Variants in MYC observed in about 807,000 individuals in gnomAD.
MYC encodes the protein MYC proto-oncogene, bHLH transcription factor.
In MYC, 1 loss-of-function variant was observed where a neutral mutation model predicts 30.5. The observed-to-expected ratio is 0.03, with a 90% CI of 0.01 to 0.16. The LOEUF (loss-of-function observed/expected upper bound fraction) is 0.16, where lower values mean the gene tolerates loss of function less well. Ranked by LOEUF, MYC falls within the 10% of genes least tolerant of loss-of-function variation. MYC has a pLI of 1.00. For missense variants in MYC, 508 were observed against 589.0 expected (o/e 0.86, Z 1.42); for synonymous variants, 267 against 250.7 (o/e 1.07, Z -0.62).
At position 127,740,921 on chromosome 8, in the gene MYC, A is replaced by G; in HGVS notation, c.1328A>G (p.Lys443Arg). 6.3e-7 allele frequency: 1 copy of G among 1,592,576 alleles called. No homozygotes were observed. The highest frequency in any genetic ancestry group is 8.5e-7 in the Non-Finnish European group (1 of 1,172,382). Residue 443 changes from lysine to arginine, a missense_variant, in exon 3 of 3, where the codon AAA becomes AGA. By Grantham distance (26) the Lys-to-Arg change is conservative. Coordinates refer to ENST00000621592, the MANE Select transcript of MYC (RefSeq NM_002467.6). Reference sequence around the variant, plus strand: ...TTGCGGAAACGACGAGAACAGTTGAAACACAAACTTGAACAGCTACGGAAC... The same window carrying G: ...TTGCGGAAACGACGAGAACAGTTGAGACACAAACTTGAACAGCTACGGAAC...
intron 1 of MYC, among the ~76,000 whole-genome samples, chr8:127,737,896 C>A (rs1813626900): frequency 6.6e-6 from 1 of 152,160 alleles, no homozygotes; most frequent in Non-Finnish European, 1.5e-5. Flanking sequence ...AAATTGTTTT[C>A]CTCACCGCCA....
At chr8:127,737,991 C>A (rs976571617) in intron 1 of MYC, among the ~76,000 whole-genome samples, 1 of 152,198 alleles carries the variant, frequency 6.6e-6, no homozygotes, top group South Asian at 2.1e-4. Context: ...GCGCTCCGGG[C>A]TCCCGGGGGA....
intron 1 of MYC, among the ~76,000 whole-genome samples, chr8:127,737,723 G>A (rs866944113): frequency 1.3e-5 from 2 of 152,142 alleles, no homozygotes; most frequent in Non-Finnish European, 2.9e-5. Flanking sequence ...AGGTTGGGAG[G>A]GGCTGCGGTG....
In MYC at chr8:127,736,608, G is replaced by C. The variant is rs771557035; in HGVS notation, c.15G>C (p.Arg5=). The C allele has an allele frequency of 3.2e-5, 52 of 1,614,036 alleles. No individual in the cohort carries two copies. Among genetic ancestry groups the C allele is most frequent in the Admixed American group, 8.3e-5 (5 of 60,006 alleles). The change falls in exon 1 of 3, where the codon CGG becomes CGC. Residue 5 remains arginine (R), a synonymous_variant. Transcript: ENST00000621592. ...CTGCTTAGACGCTGGATTTTTTTCGGGTAGTGGAAAACCAGGTAAGCACCG... is the reference window on the plus strand; with the variant it reads ...CTGCTTAGACGCTGGATTTTTTTCGCGTAGTGGAAAACCAGGTAAGCACCG...
In MYC at chr8:127,741,126, G is replaced by C. The variant is rs961317581; in HGVS notation, c.*168G>C. On this transcript the variant is annotated 3_prime_UTR_variant, in exon 3 of 3. Coordinates refer to ENST00000621592, the MANE Select transcript of MYC (RefSeq NM_002467.6). ...CTCAAATTGGACTTTGGGCATAAAA[G>C]AACTTTTTTATGCTTACCATCTTTT... 5 of 495,400 alleles carry C rather than the reference G, an allele frequency of 1.0e-5. No individual in the cohort carries two copies. The highest frequency in any genetic ancestry group is 1.6e-5 in the Non-Finnish European group (5 of 307,406). 30.7% of individuals were successfully genotyped at this position (495,400 alleles called of 1,614,324 possible). A position where few individuals can be genotyped will look rare whatever the true frequency, so the allele number is the denominator to read the frequency against.
intron 2 of MYC, among the ~76,000 whole-genome samples, chr8:127,739,280 G>T (rs1422037421): frequency 1.3e-5 from 2 of 152,134 alleles, no homozygotes; most frequent in Admixed American, 6.5e-5. Context: ...AAACCTTCTG[G>T]CTTATCTTAC....
chr8:127,736,766 T>A, intron 1 of MYC, 143 bp downstream of exon 1: 1 of 912,242 alleles, frequency 1.1e-6, no homozygotes, highest in Non-Finnish European at 1.7e-6. Context: ...TAACTGGGGC[T>A]GGGGTGGGGG....
At position 127,738,283 on chromosome 8, in the gene MYC, C is replaced by T. The variant is rs2130092237; in HGVS notation, c.66C>T (p.Phe22=). 6.2e-7 allele frequency: 1 copy of T among 1,605,186 alleles called. No individual in the cohort carries two copies. The highest frequency in any genetic ancestry group is 8.5e-7 in the Non-Finnish European group (1 of 1,173,582). ...CGACGATGCCCCTCAACGTTAGCTT[C>T]ACCAACAGGAACTATGACCTCGACT... The change falls in exon 2 of 3, where the codon TTC becomes TTT. Residue 22 remains phenylalanine (F), a synonymous_variant. Transcript: ENST00000621592. The surrounding 1 kb of genome is among the most constrained non-coding windows in gnomAD (Gnocchi z 7.6).
At chr8:127,737,125 G>A (rs1488888320) in intron 1 of MYC, among the ~76,000 whole-genome samples, 1 of 152,284 alleles carries the variant, frequency 6.6e-6, no homozygotes, top group Admixed American at 6.5e-5. Context: ...TCTGACAGCC[G>A]GAGACGGACA....
chr8:127,736,311 C>T lies in MYC; in HGVS notation c.-283C>T. On this transcript the variant is annotated 5_prime_UTR_variant, in exon 1 of 3. Transcript: ENST00000621592. ...GGGTGGAAGAGCCGGGCGAGCAGAGCTGCGCTGCGGGCGTCCTGGGAAGGG... is the reference window on the plus strand; with the variant it reads ...GGGTGGAAGAGCCGGGCGAGCAGAGTTGCGCTGCGGGCGTCCTGGGAAGGG... The T allele has an allele frequency of 1.7e-6, 1 of 583,998 alleles. No homozygotes were observed. Among genetic ancestry groups the T allele is most frequent in the South Asian group, 2.1e-5 (1 of 46,736 alleles). 36.2% of individuals were successfully genotyped at this position (583,998 alleles called of 1,614,324 possible).
rs1304229160 is a variant in MYC, at chr8:127,738,068, C to T, written c.31-180C>T. Among the ~76,000 whole-genome samples the T allele has an allele frequency of 1.3e-5, 2 of 152,146 alleles. No individual in the cohort carries two copies. Among genetic ancestry groups the T allele is most frequent in the African/African-American group, 4.8e-5 (2 of 41,440 alleles). Reference sequence around the variant, plus strand: ...CGTCTCCGAGATAGCAGGGGACTGTCCAAAGGGGGTGAAAGGGTGCTCCCT... The same window carrying T: ...CGTCTCCGAGATAGCAGGGGACTGTTCAAAGGGGGTGAAAGGGTGCTCCCT... On this transcript the variant is annotated intron_variant, in intron 1 of 2. Transcript: ENST00000621592. The surrounding 1 kb of genome is among the most constrained non-coding windows in gnomAD (Gnocchi z 7.6).
rs139697494 is a variant in MYC, at chr8:127,740,499, C to A, written c.906C>A (p.His302Gln). The A allele has an allele frequency of 2.7e-4, 441 of 1,614,016 alleles. 1 individual carries two copies. The highest frequency in any genetic ancestry group is 3.3e-4 in the Middle Eastern group (2 of 6,084). Residue 302 changes from histidine (H) to glutamine (Q), a missense_variant, in exon 3 of 3, where the codon CAC becomes CAA. Around this residue, in one of 5 missense-constraint regions of MYC, gnomAD observed 364 missense variants for 381.1 expected, o/e 0.96. Transcript: ENST00000621592. ...CTGGATCACCTTCTGCTGGAGGCCA[C>A]AGCAAACCTCCTCACAGCCCACTGG...
upstream of MYC, chr8:127,735,886 T>C (rs1813575077): frequency 7.5e-6 from 3 of 399,066 alleles, no homozygotes; most frequent in East Asian, 7.1e-5. Flanking sequence ...GTTTACATCC[T>C]AGAGCTAGAG....
chr8:127,739,965 T>C (rs1366126057), intron 2 of MYC, among the ~76,000 whole-genome samples: 1 of 148,356 alleles, frequency 6.7e-6, no homozygotes, highest in Non-Finnish European at 1.5e-5. Flanking sequence ...CTAGATTGGT[T>C]CTTTTTTTTT....
In MYC at chr8:127,742,150, T is replaced by C. The variant is rs116768771; in HGVS notation, c.*1192T>C. Among the ~76,000 whole-genome samples, 466 of 152,344 alleles carry C rather than the reference T, an allele frequency of 3.1e-3. 2 individuals carry two copies. Among genetic ancestry groups the C allele is most frequent in the African/African-American group, 0.011 (450 of 41,580 alleles). On this transcript the variant is annotated 3_prime_UTR_variant, in exon 3 of 3. Coordinates refer to ENST00000621592, the MANE Select transcript of MYC (RefSeq NM_002467.6). ...AATGGACAGACTCAAGTCATAACAA[T>C]GCTAAGCTCTATTTGTGTCCCAAGC...
chr8:127,740,256 A>G (rs141349735), intron 2 of MYC, 140 bp from the exon 3 acceptor site: 22 of 892,852 alleles, frequency 2.5e-5, no homozygotes, highest in Middle Eastern at 3.5e-4. Context: ...CCAGGCTTAG[A>G]TGTGGCTCTT....
At chr8:127,739,285 T>A (rs1409471336) in intron 2 of MYC, among the ~76,000 whole-genome samples, 2 of 152,204 alleles carry the variant, frequency 1.3e-5, no homozygotes, top group Non-Finnish European at 2.9e-5. Flanking sequence ...TTCTGGCTTA[T>A]CTTACAACTC....
Position 127,736,437 on chromosome 8 carries a change from A to G in MYC, c.-157A>G, listed in dbSNP as rs1419208587. On this transcript the variant is annotated 5_prime_UTR_variant, in exon 1 of 3. Transcript: ENST00000621592. Reference sequence around the variant, plus strand: ...TTGCCGCATCCACGAAACTTTGCCCATAGCAGCGGGCGGGCACTTTGCACT... The same window carrying G: ...TTGCCGCATCCACGAAACTTTGCCCGTAGCAGCGGGCGGGCACTTTGCACT... The G allele has an allele frequency of 6.2e-5, 47 of 753,936 alleles. No individual in the cohort carries two copies. Among genetic ancestry groups the G allele is most frequent in the Non-Finnish European group, 8.9e-5 (41 of 462,052 alleles). The allele number at this position is 753,936 out of a possible 1,614,324, so 46.7% of individuals were successfully genotyped here. A position where few individuals can be genotyped will look rare whatever the true frequency, so the allele number is the denominator to read the frequency against.
chr8:127,735,642 C>G (rs4645945), upstream of MYC: 1,799 of 399,074 alleles, frequency 4.5e-3, 39 homozygotes, highest in African/African-American at 0.034. Flanking sequence ...CTTTCCCCAG[C>G]CTTAGCGAGG....
Sources: gnomAD v4.1 joint callset for allele counts (sites outside exome capture counted in the v4.1 genomes callset) on GRCh38, gnomAD v4.1.1 for gene constraint, gnomAD v4.1.1 regional missense constraint, Gnocchi (gnomAD v3.1) non-coding constraint, MANE v1.5 for transcripts, NCBI Gene and HGNC (gene_info 2026-07-23, HGNC 2026-07-21) for gene names.